The following GRK7 variants were observed in gnomAD, a reference collection of about 807,000 sequenced individuals.
GRK7 encodes the protein rhodopsin kinase GRK7.
A neutral mutation model predicts 34.1 loss-of-function variants in GRK7; 24 were observed. The ratio of observed to expected loss-of-function variants is 0.70; its 90% CI spans 0.51 to 0.99. The LOEUF is 0.99. Ranked by LOEUF, GRK7 falls within the 50% of genes least tolerant of loss-of-function variation. The pLI, the probability that GRK7 is intolerant of heterozygous loss-of-function variation, is 0.00. For synonymous variants in GRK7, 256 were observed against 279.4 expected, an observed-to-expected ratio of 0.92 and a Z score of 0.84; for missense variants, 644 against 707.3, an observed-to-expected ratio of 0.91 and a Z score of 1.02.
At chr3:141,804,558 A>G (rs1711003271) in intron 4 of GRK7, among the ~76,000 whole-genome samples, 1 of 151,700 alleles carries the variant, frequency 6.6e-6, no homozygotes, top group Admixed American at 6.6e-5. Context: ...ACACACTCAC[A>G]TAACACACAC....
chr3:141,771,382 A>T (rs2084616205), intron 1 of GRK7, among the ~76,000 whole-genome samples: 1 of 152,230 alleles, frequency 6.6e-6, no homozygotes. Context: ...TCTCTCAATA[A>T]TCAGTAACTA....
intron 4 of GRK7, among the ~76,000 whole-genome samples, chr3:141,797,472 C>T (rs1416204491): frequency 1.3e-5 from 2 of 152,228 alleles, no homozygotes; most frequent in African/African-American, 4.8e-5. Context: ...GCCAGGCCCC[C>T]CTCGGAGGAA....
Position 141,810,137 on chromosome 3 carries a change from C to T in GRK7, c.1325+2218C>T, listed in dbSNP as rs146125334. ...AAAAGACTGACTTCCCCAGAAGAAA[C>T]GGTAATTCTGCCAGCAAACCACCTT... On this transcript the variant is annotated intron_variant, in intron 5 of 5. Coordinates refer to ENST00000682958, the MANE Select transcript of GRK7 (RefSeq NM_139209.3). 1.7e-4 allele frequency among the ~76,000 whole-genome samples: 26 copies of T among 152,302 alleles called. No homozygotes were observed. The East Asian group carries it at 2.5e-3, about 15-fold the overall frequency.
intron 1 of GRK7, among the ~76,000 whole-genome samples, chr3:141,773,978 G>A (rs556217470): frequency 5.3e-5 from 8 of 152,272 alleles, no homozygotes; most frequent in East Asian, 3.9e-4. Context: ...TTTCTGGTAC[G>A]TTTCCCCACT....
chr3:141,787,105 AGAAT>A (rs2084699972), intron 4 of GRK7, among the ~76,000 whole-genome samples: 1 of 152,206 alleles, frequency 6.6e-6, no homozygotes, highest in South Asian at 2.1e-4. Context: ...GCTCCAGATC[AGAAT>A]GTAGCCTGAC....
intron 4 of GRK7, among the ~76,000 whole-genome samples, chr3:141,797,488 G>C (rs1710902907): frequency 6.6e-6 from 1 of 152,250 alleles, no homozygotes; most frequent in African/African-American, 2.4e-5. Context: ...AGGAAGGAAG[G>C]AGAGAGCCCC....
the GRK7 span, among the ~76,000 whole-genome samples, chr3:141,755,346 A>AAATG: frequency 8.5e-5 from 13 of 152,296 alleles, no homozygotes; most frequent in East Asian, 1.9e-4. Context: ...CCACCTCTAA[A>AAATG]AATGAATGAA....
intron 3 of GRK7, 37 bp from the exon 4 acceptor site, chr3:141,780,337 C>T (rs764997117): frequency 6.4e-7 from 1 of 1,571,582 alleles, no homozygotes; most frequent in South Asian, 1.2e-5. Flanking sequence ...GTACCATCTA[C>T]TTCTACCTCT....
chr3:141,788,160 G>C (rs571668243), intron 4 of GRK7, among the ~76,000 whole-genome samples: 1 of 152,120 alleles, frequency 6.6e-6, no homozygotes, highest in Non-Finnish European at 1.5e-5. Context: ...GTGCCTCCCT[G>C]GGGGGGCACA....
At chr3:141,795,644 A>C (rs142509980) in intron 4 of GRK7, among the ~76,000 whole-genome samples, 8 of 152,302 alleles carry the variant, frequency 5.3e-5, no homozygotes, top group African/African-American at 1.7e-4. Flanking sequence ...GGGAAGTGAC[A>C]AAATCAATCT....
At position 141,778,416 on chromosome 3, in the gene GRK7, C is replaced by G; in HGVS notation, c.132C>G (p.Gly44=). 6.2e-7 allele frequency: 1 copy of G among 1,612,742 alleles called. No individual in the cohort carries two copies. Residue 44 remains glycine, a synonymous_variant, in exon 3 of 6, where the codon GGC becomes GGG. Transcript: ENST00000682958. This position sits in a 1 kb window ranked among gnomAD's most constrained non-coding sequence, Gnocchi z 4.1. ...GCCTGGCCCTGCCCGGGCTGCAGGG[C>G]TGCGCGGAGCTCCGCCAGAAGCTGT... The part of the protein sequence containing the change: ...RRSLALPGLQ[G]CAELRQKLSL...
intron 4 of GRK7, among the ~76,000 whole-genome samples, chr3:141,790,213 G>C (rs1204642786): frequency 1.3e-5 from 2 of 152,192 alleles, no homozygotes; most frequent in African/African-American, 4.8e-5. Context: ...GAGTTAACCA[G>C]GGTGGTCTTG....
At chr3:141,774,941 C>T (rs183853854) in intron 2 of GRK7, among the ~76,000 whole-genome samples, 60 of 152,088 alleles carry the variant, frequency 3.9e-4, no homozygotes, top group African/African-American at 7.7e-4. Flanking sequence ...TACAGGAGTC[C>T]GCCACCATGC....
chr3:141,812,511 G>T (rs1213793812), intron 5 of GRK7, among the ~76,000 whole-genome samples: 1 of 152,230 alleles, frequency 6.6e-6, no homozygotes. Context: ...GGAAAGCCCA[G>T]TCTTCACTGG....
At chr3:141,809,187 G>A (rs2107894741) in intron 5 of GRK7, among the ~76,000 whole-genome samples, 1 of 152,162 alleles carries the variant, frequency 6.6e-6, no homozygotes, top group Middle Eastern at 3.4e-3. Context: ...GGGCAACAGA[G>A]CAAGACTTCG....
intron 4 of GRK7, among the ~76,000 whole-genome samples, chr3:141,803,510 G>T (rs894520341): frequency 6.6e-6 from 1 of 151,978 alleles, no homozygotes; most frequent in Admixed American, 6.6e-5. Context: ...ACCCCCAAAA[G>T]AAATCCCATA....
chr3:141,760,423 C>T (rs1251581783), upstream of GRK7, among the ~76,000 whole-genome samples: 1 of 136,884 alleles, frequency 7.3e-6, no homozygotes, highest in Non-Finnish European at 1.6e-5. Context: ...AGTTGAGCGG[C>T]TTTGAGTGAG....
the GRK7 span, among the ~76,000 whole-genome samples, chr3:141,756,079 A>C: frequency 6.6e-6 from 1 of 151,794 alleles, no homozygotes; most frequent in East Asian, 1.9e-4. Flanking sequence ...TGCGAGGCCG[A>C]GGTGAGCAGA....
intron 4 of GRK7, among the ~76,000 whole-genome samples, chr3:141,797,297 C>T (rs917939169): frequency 1.3e-5 from 2 of 152,184 alleles, no homozygotes; most frequent in African/African-American, 2.4e-5. Context: ...GAGCGGCCTC[C>T]GCGCGACACT....
Sources: gnomAD v4.1 joint callset for allele counts (sites outside exome capture counted in the v4.1 genomes callset) on GRCh38, gnomAD v4.1.1 for gene constraint, Gnocchi (gnomAD v3.1) non-coding constraint, MANE v1.5 for transcripts, NCBI Gene and HGNC (gene_info 2026-07-23, HGNC 2026-07-21) for gene names.